The following GRM8 variants were observed in gnomAD, a reference collection of about 807,000 sequenced individuals.
GRM8 encodes glutamate metabotropic receptor 8, also known as metabotropic glutamate receptor 8.
GRM8 carries 47 observed loss-of-function variants against 87.2 expected under a neutral mutation model. The ratio of observed to expected loss-of-function variants is 0.54; its 90% CI spans 0.43 to 0.69. GRM8 has a LOEUF of 0.69. Ranked by LOEUF, GRM8 falls within the 30% of genes least tolerant of loss-of-function variation. The pLI, the probability that GRM8 is intolerant of heterozygous loss-of-function variation, is 0.00. For missense variants in GRM8, 1,019 were observed against 1,139.2 expected, an observed-to-expected ratio of 0.89 and a Z score of 1.52; for synonymous variants, 396 against 404.5, an observed-to-expected ratio of 0.98 and a Z score of 0.25.
intron 2 of GRM8, among the ~76,000 whole-genome samples, chr7:127,135,917 C>T (rs899078690): frequency 6.6e-6 from 1 of 152,066 alleles, no homozygotes; most frequent in Non-Finnish European, 1.5e-5. Flanking sequence ...ACATCTTGCA[C>T]AATGCTCTGG....
intron 7 of GRM8, among the ~76,000 whole-genome samples, chr7:126,710,587 C>T (rs1194182257): frequency 6.6e-6 from 1 of 152,194 alleles, no homozygotes; most frequent in Admixed American, 6.5e-5. Context: ...TATGGAATTA[C>T]AGCAATTCAG....
At chr7:127,011,892 T>G (rs575505295) in intron 3 of GRM8, among the ~76,000 whole-genome samples, 20 of 152,274 alleles carry the variant, frequency 1.3e-4, no homozygotes, top group South Asian at 1.2e-3. Flanking sequence ...AGCCTCTCAT[T>G]TGAATTACTT....
chr7:126,739,022 A>G (rs1369302162), intron 7 of GRM8, among the ~76,000 whole-genome samples: 1 of 152,004 alleles, frequency 6.6e-6, no homozygotes, highest in Non-Finnish European at 1.5e-5. Flanking sequence ...ATATTGGTAC[A>G]GGGAGGAAGA....
intron 3 of GRM8, among the ~76,000 whole-genome samples, chr7:126,971,067 TG>T (rs1810367183): frequency 6.7e-6 from 1 of 148,460 alleles, no homozygotes; most frequent in African/African-American, 2.5e-5. Context: ...TACCAAAATG[TG>T]ACACAGAGAT....
intron 2 of GRM8, among the ~76,000 whole-genome samples, chr7:127,199,253 C>T (rs1795462721): frequency 6.6e-6 from 1 of 152,188 alleles, no homozygotes; most frequent in Admixed American, 6.5e-5. Flanking sequence ...GGGCCACTGG[C>T]ACCTTTCCTA....
chr7:126,687,574 T>C (rs986314836), intron 7 of GRM8, among the ~76,000 whole-genome samples: 1 of 151,686 alleles, frequency 6.6e-6, no homozygotes, highest in African/African-American at 2.4e-5. Context: ...TTATGCCTTG[T>C]TGTAAATGGA....
intron 6 of GRM8, among the ~76,000 whole-genome samples, chr7:126,787,145 T>C (rs1820704699): frequency 6.6e-6 from 1 of 152,216 alleles, no homozygotes; most frequent in Non-Finnish European, 1.5e-5. Flanking sequence ...CAAAAGAAAC[T>C]GCTTCACACA....
At chr7:126,521,157 C>T (rs1457365562) in intron 9 of GRM8, among the ~76,000 whole-genome samples, 2 of 152,132 alleles carry the variant, frequency 1.3e-5, no homozygotes, top group Non-Finnish European at 2.9e-5. Flanking sequence ...TATCTGAGAA[C>T]ATGAAATCTT....
chr7:126,581,626 G>T (rs1448838766), intron 8 of GRM8, among the ~76,000 whole-genome samples: 1 of 152,018 alleles, frequency 6.6e-6, no homozygotes, highest in African/African-American at 2.4e-5. Flanking sequence ...ACATTACGGT[G>T]CTTTTTTTTA....
At chr7:126,826,056 T>C (rs1204834441) in intron 6 of GRM8, among the ~76,000 whole-genome samples, 1 of 152,202 alleles carries the variant, frequency 6.6e-6, no homozygotes, top group Non-Finnish European at 1.5e-5. Flanking sequence ...GAACTCATCA[T>C]TTTTTATGGC....
chr7:126,740,311 G>T (rs1814798161), intron 7 of GRM8, among the ~76,000 whole-genome samples: 1 of 151,956 alleles, frequency 6.6e-6, no homozygotes, highest in African/African-American at 2.4e-5. Context: ...TATCACCTCT[G>T]ATTATTAATA....
At chr7:127,113,480 T>C (rs1279864005) in intron 2 of GRM8, among the ~76,000 whole-genome samples, 1 of 152,208 alleles carries the variant, frequency 6.6e-6, no homozygotes, top group Non-Finnish European at 1.5e-5. Context: ...TTTTGTTTTT[T>C]TCCCCCCTGC....
chr7:126,763,293 C>A (rs1054155221), intron 7 of GRM8, among the ~76,000 whole-genome samples: 1 of 151,272 alleles, frequency 6.6e-6, no homozygotes, highest in East Asian at 1.9e-4. Context: ...TCTTTTGCTT[C>A]TTTTTCACAT....
chr7:127,206,731 GCAGACTCACAGTAATC>G (rs1219536279), intron 2 of GRM8, among the ~76,000 whole-genome samples: 1 of 152,172 alleles, frequency 6.6e-6, no homozygotes, highest in Non-Finnish European at 1.5e-5. Context: ...CCAGTGTTCT[GCAGACTCACAGTAATC>G]CAAGCTGCTT....
At chr7:126,579,468 T>C (rs1468173524) in intron 8 of GRM8, among the ~76,000 whole-genome samples, 78 of 152,326 alleles carry the variant, frequency 5.1e-4, no homozygotes, top group Admixed American at 5.0e-3. Flanking sequence ...AAGATTTCAG[T>C]GCAGTAACAT....
chr7:126,893,498 T>G (rs34820359), intron 6 of GRM8, among the ~76,000 whole-genome samples: 27,873 of 151,888 alleles, frequency 0.18, 2,637 homozygotes, highest in East Asian at 0.28. Context: ...ATCAAATGCA[T>G]GCCAAGCTAG....
intron 6 of GRM8, among the ~76,000 whole-genome samples, chr7:126,824,525 G>A (rs1047232646): frequency 2.0e-5 from 3 of 152,178 alleles, no homozygotes; most frequent in African/African-American, 7.2e-5. Context: ...AAGAGGGTAT[G>A]CTACCTACAG....
At chr7:126,811,601 G>T (rs1418104459) in intron 6 of GRM8, among the ~76,000 whole-genome samples, 1 of 151,760 alleles carries the variant, frequency 6.6e-6, no homozygotes, top group African/African-American at 2.4e-5. Context: ...TATATTCCTA[G>T]GTATTTTGAG....
chr7:126,897,486 G>A (rs1391172434), intron 6 of GRM8, among the ~76,000 whole-genome samples: 1 of 151,988 alleles, frequency 6.6e-6, no homozygotes, highest in Non-Finnish European at 1.5e-5. Context: ...GACAGGGAGA[G>A]GATGAAGATG....
Sources: gnomAD v4.1 joint callset for allele counts (sites outside exome capture counted in the v4.1 genomes callset) on GRCh38, gnomAD v4.1.1 for gene constraint, MANE v1.5 for transcripts, NCBI Gene and HGNC (gene_info 2026-07-23, HGNC 2026-07-21) for gene names.